The following AFF1 variants were observed in gnomAD, a reference collection of about 807,000 sequenced individuals.
AFF1 encodes ALF transcription elongation factor 1.
AFF1 carries 48 observed loss-of-function variants against 121.7 expected under a neutral mutation model. The ratio of observed to expected loss-of-function variants is 0.39; its 90% CI spans 0.31 to 0.50. The LOEUF (loss-of-function observed/expected upper bound fraction) is 0.50, where lower values mean the gene tolerates loss of function less well. Among genes scored for constraint, AFF1 ranks in the 20% least tolerant of loss-of-function variants. The pLI is 0.76. For missense variants in AFF1, 1,523 were observed against 1,511.7 expected (o/e 1.01, Z -0.12); for synonymous variants, 613 against 563.0 (o/e 1.09, Z -1.26).
Position 87,134,484 on chromosome 4 carries a change from C to T in AFF1, c.3325C>T (p.Pro1109Ser). 1.2e-6 allele frequency: 2 copies of T among 1,602,468 alleles called. No homozygotes were observed. The highest frequency in any genetic ancestry group is 1.7e-6 in the Non-Finnish European group (2 of 1,174,592). ...SPCIARSTGT[P>S]SPLSPMPSPA... ...TCCACCTCCCAGAAGCACAGGCACA[C>T]CATCCCCTCTTTCCCCAATGCCTTC... The change falls in exon 20 of 21, where the codon CCA becomes TCA. Residue 1109 changes from proline to serine, a missense_variant. Physicochemically the swap from Pro to Ser is moderately conservative, Grantham distance 74. Around this residue, in one of 5 missense-constraint regions of AFF1, gnomAD observed 241 missense variants for 265.2 expected, o/e 0.91. Coordinates refer to ENST00000395146, the MANE Select transcript of AFF1 (RefSeq NM_001166693.3).
intron 1 of AFF1, chr4:86,935,765 C>G (rs1173383549): frequency 6.6e-6 from 1 of 151,956 alleles, no homozygotes; most frequent in East Asian, 1.9e-4. Context: ...GTCGGTGGTC[C>G]GTAGCCTCCG....
At chr4:86,951,791 A>G (rs780061679) in intron 2 of AFF1, among the ~76,000 whole-genome samples, 2 of 151,114 alleles carry the variant, frequency 1.3e-5, no homozygotes, top group African/African-American at 2.4e-5. Context: ...TAATTTTTGT[A>G]TTTTTAGTAG....
intron 2 of AFF1, among the ~76,000 whole-genome samples, chr4:86,970,019 A>G (rs1366626570): frequency 6.6e-6 from 1 of 152,058 alleles, no homozygotes; most frequent in Non-Finnish European, 1.5e-5. Flanking sequence ...AGATAAACAC[A>G]TTCATAGAAC....
intron 2 of AFF1, among the ~76,000 whole-genome samples, chr4:86,997,638 T>C (rs1395753122): frequency 1.3e-5 from 2 of 151,758 alleles, no homozygotes; most frequent in African/African-American, 2.4e-5. Flanking sequence ...GACGGGCGCC[T>C]GTAGTCCCAG....
intron 2 of AFF1, among the ~76,000 whole-genome samples, chr4:86,956,798 A>G (rs771293579): frequency 6.6e-6 from 1 of 152,206 alleles, no homozygotes; most frequent in Non-Finnish European, 1.5e-5. Flanking sequence ...TAGATGTGCC[A>G]TCTTGTACTA....
intron 4 of AFF1, among the ~76,000 whole-genome samples, chr4:87,056,183 A>C (rs1281936391): frequency 6.6e-6 from 1 of 152,034 alleles, no homozygotes. Context: ...GTTTTAATCT[A>C]GAGGCCTCAG....
intron 2 of AFF1, among the ~76,000 whole-genome samples, chr4:86,961,262 T>C (rs1560503505): frequency 6.6e-6 from 1 of 152,126 alleles, no homozygotes; most frequent in Non-Finnish European, 1.5e-5. Flanking sequence ...CCTATGAGGT[T>C]ATGTTTTACA....
At chr4:86,953,078 T>C (rs902727711) in intron 2 of AFF1, among the ~76,000 whole-genome samples, 2 of 151,972 alleles carry the variant, frequency 1.3e-5, no homozygotes, top group African/African-American at 2.4e-5. Flanking sequence ...GTTTTGCTAG[T>C]TATTAAGTTT....
intron 2 of AFF1, among the ~76,000 whole-genome samples, chr4:87,039,590 G>T (rs1729902424): frequency 6.6e-6 from 1 of 152,170 alleles, no homozygotes; most frequent in African/African-American, 2.4e-5. Context: ...CCAGGCACTG[G>T]ACACTGAAGC....
chr4:87,133,580 A>G (rs1481305106), intron 19 of AFF1, among the ~76,000 whole-genome samples: 1 of 152,232 alleles, frequency 6.6e-6, no homozygotes, highest in Non-Finnish European at 1.5e-5. Flanking sequence ...TTGTCCATCC[A>G]GTATATACTG....
rs1726446487 is a variant in AFF1 at position 87,008,900 on chromosome 4, T to C, written c.39-37266T>C. On this transcript the variant is annotated intron_variant, in intron 2 of 20. Transcript: ENST00000395146. ...CCTTTGTATTCTTATGTATTTTATT[T>C]AATGTATTTAAAAACATTTTTCTGA... Among the ~76,000 whole-genome samples the C allele has an allele frequency of 3.3e-5, 5 of 152,320 alleles. No individual in the cohort carries two copies. The South Asian group carries it at 1.0e-3, about 32-fold the overall frequency.
rs1726125036 is a variant in AFF1 at position 87,108,251 on chromosome 4, CAG to C, written c.1474_1475del (p.Ser492ArgfsTer6). Reference sequence around the variant, plus strand: ...AGTGACTCAGACAGTTCCTCAGACTCAGAGAGCGAGAGCAGTTCAAGTGACAG... The same window carrying C: ...AGTGACTCAGACAGTTCCTCAGACTCAGAGCGAGAGCAGTTCAAGTGACAG... On this transcript the variant is annotated frameshift_variant, in exon 11 of 21. Transcript: ENST00000395146. LOFTEE classifies it high-confidence loss of function. 2 of 1,614,008 alleles carry C rather than the reference CAG, an allele frequency of 1.2e-6. No homozygotes were observed. The highest frequency in any genetic ancestry group is 1.7e-6 in the Non-Finnish European group (2 of 1,180,032).
chr4:86,958,178 C>T (rs1342990694), intron 2 of AFF1, among the ~76,000 whole-genome samples: 1 of 147,864 alleles, frequency 6.8e-6, no homozygotes, highest in African/African-American at 2.5e-5. Flanking sequence ...ACTGCAACTT[C>T]CACCTCTCAG....
At chr4:87,127,401 G>A (rs1360632896) in intron 15 of AFF1, among the ~76,000 whole-genome samples, 1 of 152,112 alleles carries the variant, frequency 6.6e-6, no homozygotes, top group African/African-American at 2.4e-5. Context: ...GACCTCAAAT[G>A]ATCCGCCTGC....
chr4:87,023,220 C>G (rs1013836373), intron 2 of AFF1, among the ~76,000 whole-genome samples: 1 of 152,152 alleles, frequency 6.6e-6, no homozygotes, highest in African/African-American at 2.4e-5. Context: ...CATTTTATAA[C>G]TGTGCTTTTC....
intron 2 of AFF1, among the ~76,000 whole-genome samples, chr4:86,958,915 G>C (rs140499367): frequency 2.6e-5 from 4 of 152,198 alleles, no homozygotes; most frequent in African/African-American, 9.6e-5. Flanking sequence ...GGATTTGTTT[G>C]TTTCCTATTA....
intron 4 of AFF1, among the ~76,000 whole-genome samples, chr4:87,079,435 C>T (rs973054141): frequency 1.3e-5 from 2 of 152,128 alleles, no homozygotes; most frequent in Admixed American, 6.5e-5. Context: ...TTTTCTGGTC[C>T]GAAGCACTGG....
intron 12 of AFF1, among the ~76,000 whole-genome samples, chr4:87,122,223 T>A (rs1306498199): frequency 6.6e-6 from 1 of 152,266 alleles, no homozygotes; most frequent in Non-Finnish European, 1.5e-5. Context: ...GCCTTTCATC[T>A]AAAACTCACT....
chr4:87,081,669 T>C (rs907608443), intron 4 of AFF1, among the ~76,000 whole-genome samples: 8 of 152,156 alleles, frequency 5.3e-5, no homozygotes, highest in African/African-American at 1.7e-4. Context: ...AAATATGATA[T>C]GCCCTCATAT....
Sources: allele counts gnomAD v4.1 joint callset (sites outside exome capture counted in the v4.1 genomes callset), GRCh38; gene constraint gnomAD v4.1.1; regional missense constraint gnomAD v4.1.1; transcripts MANE v1.5; gene names NCBI Gene and HGNC (gene_info 2026-07-23, HGNC 2026-07-21).